DACH2: variants seen among roughly 807,000 people sequenced by gnomAD.
DACH2 encodes dachshund family transcription factor 2, also known as dachshund homolog 2.
DACH2 carries 17 observed loss-of-function variants against 35.8 expected under a neutral mutation model. The ratio of observed to expected loss-of-function variants is 0.48; its 90% CI spans 0.33 to 0.71. The LOEUF (loss-of-function observed/expected upper bound fraction) is 0.71. Ranked by LOEUF, DACH2 falls within the 30% of genes least tolerant of loss-of-function variation. The pLI is 0.02. For synonymous variants in DACH2, 195 were observed against 177.3 expected (o/e 1.10, Z -0.79); for missense variants, 469 against 472.7 (o/e 0.99, Z 0.07).
At chrX:86,731,958 G>A (rs2041537283) in intron 6 of DACH2, among the ~76,000 whole-genome samples, 2 of 112,218 alleles carry the variant, frequency 1.8e-5, no homozygotes, top group Non-Finnish European at 3.8e-5. Flanking sequence ...GTAGCCACTA[G>A]GCATGTGTGG....
chrX:86,286,405 C>T (rs758593441), intron 1 of DACH2, among the ~76,000 whole-genome samples: 3 of 111,181 alleles, frequency 2.7e-5, no homozygotes, highest in African/African-American at 9.8e-5. Context: ...GCTGGGATTA[C>T]AGGAGCCAGT....
chrX:86,662,951 A>G (rs1460050395), intron 4 of DACH2, among the ~76,000 whole-genome samples: 2 of 111,874 alleles, frequency 1.8e-5, no homozygotes, highest in African/African-American at 3.2e-5. Context: ...TGTGATGATA[A>G]TGATAAAAGG....
chrX:86,656,745 T>C (rs1602746690), intron 4 of DACH2, among the ~76,000 whole-genome samples: 1 of 107,010 alleles, frequency 9.3e-6, no homozygotes, highest in East Asian at 2.9e-4. Context: ...ATCTTTTTTC[T>C]CTTCAATTAA....
intron 1 of DACH2, among the ~76,000 whole-genome samples, chrX:86,204,958 A>G: frequency 8.9e-6 from 1 of 112,147 alleles, no homozygotes; most frequent in Non-Finnish European, 1.9e-5. Context: ...TCATTTAATT[A>G]CTTTGAAAAT....
intron 2 of DACH2, among the ~76,000 whole-genome samples, chrX:86,417,089 C>CAAAAAAAAAAA (rs386417185): frequency 4.3e-5 from 1 of 23,035 alleles, no homozygotes; most frequent in African/African-American, 2.0e-4. Context: ...GACTCCATCT[C>CAAAAAAAAAAA]AAAAAAAAAA....
intron 1 of DACH2, among the ~76,000 whole-genome samples, chrX:86,270,993 G>A (rs1464064562): frequency 4.5e-5 from 5 of 111,505 alleles, no homozygotes; most frequent in East Asian, 2.8e-4. Context: ...CTGTATCTTC[G>A]TTGTCGACTA....
intron 1 of DACH2, among the ~76,000 whole-genome samples, chrX:86,320,707 G>T (rs1712050372): frequency 8.9e-6 from 1 of 112,453 alleles, no homozygotes; most frequent in African/African-American, 3.2e-5. Flanking sequence ...ACAAAGCTAA[G>T]TTCCTTGGTT....
intron 7 of DACH2, among the ~76,000 whole-genome samples, chrX:86,747,052 C>T (rs1214138822): frequency 2.7e-5 from 3 of 111,676 alleles, no homozygotes; most frequent in Admixed American, 9.6e-5. Context: ...TAATTATCTG[C>T]GTGTCTATTC....
intron 11 of DACH2, among the ~76,000 whole-genome samples, chrX:86,822,187 A>G (rs10482026): frequency 0.38 from 42,357 of 111,197 alleles, 6,213 homozygotes; most frequent in Middle Eastern, 0.44. Flanking sequence ...TTTAATAAAT[A>G]AAACAAACAG....
chrX:86,693,990 C>T, intron 4 of DACH2, among the ~76,000 whole-genome samples: 1 of 31,151 alleles, frequency 3.2e-5, no homozygotes, highest in Admixed American at 4.2e-4. Context: ...GATTTTTCTA[C>T]ATTAAAAAAA....
At chrX:86,316,748 T>C (rs1321999010) in intron 1 of DACH2, among the ~76,000 whole-genome samples, 1 of 110,865 alleles carries the variant, frequency 9.0e-6, no homozygotes. Flanking sequence ...ATTTTCATTT[T>C]TGGCTCCATT....
intron 3 of DACH2, among the ~76,000 whole-genome samples, chrX:86,574,112 T>A: frequency 9.0e-6 from 1 of 111,685 alleles, no homozygotes; most frequent in Middle Eastern, 4.6e-3. Flanking sequence ...GGCATAATCT[T>A]TTATTCTGCC....
intron 4 of DACH2, among the ~76,000 whole-genome samples, chrX:86,664,522 G>A (rs374670091): frequency 3.6e-5 from 4 of 111,436 alleles, no homozygotes; most frequent in Non-Finnish European, 7.5e-5. Flanking sequence ...TTCATAATAC[G>A]TTTAAAAACA....
At chrX:86,500,461 C>T (rs773771401) in intron 2 of DACH2, among the ~76,000 whole-genome samples, 1 of 111,700 alleles carries the variant, frequency 9.0e-6, no homozygotes, top group Non-Finnish European at 1.9e-5. Context: ...GTATCCCACA[C>T]GCCTACTCAC....
chrX:86,733,470 T>C (rs1473339381), intron 6 of DACH2, among the ~76,000 whole-genome samples: 1 of 111,889 alleles, frequency 8.9e-6, no homozygotes, highest in East Asian at 2.8e-4. Flanking sequence ...ATAACATGAA[T>C]TGGAAATTGC....
intron 2 of DACH2, among the ~76,000 whole-genome samples, chrX:86,431,744 A>G (rs1176510385): frequency 9.0e-6 from 1 of 111,661 alleles, no homozygotes; most frequent in East Asian, 2.8e-4. Context: ...GAATAATTAG[A>G]TTACTTGCTT....
chrX:86,441,678 G>A (rs748847066), intron 2 of DACH2, among the ~76,000 whole-genome samples: 6 of 109,571 alleles, frequency 5.5e-5, no homozygotes, highest in Non-Finnish European at 9.5e-5. Flanking sequence ...GAGATTGCTG[G>A]ATCATATAGT....
rs752286431 is a variant in DACH2, at chrX:86,272,117, G to GATA, written c.489-104704_489-104702dup. Among the ~76,000 whole-genome samples, 97 of 111,023 alleles carry GATA rather than the reference G, an allele frequency of 8.7e-4. 2 individuals carry two copies. In the Admixed American group the frequency reaches 9.2e-3, roughly 11 times the overall value. Reference sequence around the variant, plus strand: ...TCTGTTTTTGAGTTGTTTCACTTAAGATAATGGCCTCCAGTTCCATCCATG... The same window carrying GATA: ...TCTGTTTTTGAGTTGTTTCACTTAAGATAATAATGGCCTCCAGTTCCATCCATG... On this transcript the variant is annotated intron_variant, in intron 1 of 11. Transcript: ENST00000373125.
chrX:86,778,903 G>A (rs1432062183), intron 7 of DACH2, among the ~76,000 whole-genome samples: 1 of 111,476 alleles, frequency 9.0e-6, no homozygotes, highest in Non-Finnish European at 1.9e-5. Context: ...ACCATGCCTC[G>A]CCAATATTTT....
Sources: gnomAD v4.1 joint callset for allele counts (sites outside exome capture counted in the v4.1 genomes callset) on GRCh38, gnomAD v4.1.1 for gene constraint, MANE v1.5 for transcripts, NCBI Gene and HGNC (gene_info 2026-07-23, HGNC 2026-07-21) for gene names.